PDGFRB: variants seen among roughly 807,000 people sequenced by gnomAD.
PDGFRB encodes platelet derived growth factor receptor beta.
PDGFRB carries 42 observed loss-of-function variants against 120.2 expected under a neutral mutation model. The ratio of observed to expected loss-of-function variants is 0.35; its 90% confidence interval spans 0.27 to 0.45. The LOEUF is 0.45. Among genes scored for constraint, PDGFRB ranks in the 20% least tolerant of loss-of-function variants. The pLI is 1.00. For missense variants in PDGFRB, 1,149 were observed against 1,476.3 expected, an observed-to-expected ratio of 0.78 and a Z score of 3.63; for synonymous variants, 586 against 606.8, an observed-to-expected ratio of 0.97 and a Z score of 0.50.
At chr5:150,135,503 C>A in intron 3 of PDGFRB, 52 bp downstream of exon 3, 1 of 1,143,630 alleles carries the variant, frequency 8.7e-7, no homozygotes, top group South Asian at 1.4e-5. Context: ...CCCCTGATGC[C>A]TCCAGTTGAC....
intron 1 of PDGFRB, among the ~76,000 whole-genome samples, chr5:150,140,401 G>T (rs1409958866): frequency 2.0e-5 from 3 of 152,190 alleles, no homozygotes; most frequent in Non-Finnish European, 4.4e-5. Context: ...TCCTGCCCAG[G>T]GAGGCCTCTA....
chr5:150,128,916 T>C lies in PDGFRB; in HGVS notation c.1579+841A>G, dbSNP rs9885501. Among the ~76,000 whole-genome samples, 804 of 152,232 alleles carry C rather than the reference T, an allele frequency of 5.3e-3. 7 individuals carry two copies. The highest frequency in any genetic ancestry group is 0.014 in the African/African-American group (602 of 41,520). ...AAGTTGGGTCCTCATATTTATCGAATGAAGAAGAAAGGTGAATAAATGAAG... is the reference window on the plus strand; with the variant it reads ...AAGTTGGGTCCTCATATTTATCGAACGAAGAAGAAAGGTGAATAAATGAAG... On this transcript the variant is annotated intron_variant, in intron 10 of 22. Transcript: ENST00000261799.
At chr5:150,124,905 C>A (rs1760252807) in intron 12 of PDGFRB, 74 bp from the exon 13 acceptor site, 2 of 684,410 alleles carry the variant, frequency 2.9e-6, no homozygotes, top group South Asian at 1.8e-5. Flanking sequence ...CCCCCTCCCC[C>A]CACTCCCCTA....
intron 1 of PDGFRB, among the ~76,000 whole-genome samples, chr5:150,144,792 C>T (rs1003736365): frequency 2.6e-5 from 4 of 152,170 alleles, no homozygotes; most frequent in East Asian, 1.9e-4. Flanking sequence ...GCTGCACACC[C>T]CTGCCCACCG....
chr5:150,135,840 G>C lies in PDGFRB; in HGVS notation c.79C>G (p.Pro27Ala). Residue 27 changes from proline to alanine, a missense_variant, in exon 3 of 23, where the codon CCA becomes GCA. By Grantham distance (27) the Pro-to-Ala change is conservative (BLOSUM62 -1). Transcript: ENST00000261799. ...ACGACCAGGCCCTGAGAGATCTGTG[G>C]TTCCAGAAGTAACAGGAGAGACAGC... ...LLLSLLLLLE[P>A]QISQGLVVTP... The C allele has an allele frequency of 7.8e-6, 12 of 1,542,424 alleles. No homozygotes were observed. Among genetic ancestry groups the C allele is most frequent in the Non-Finnish European group, 1.0e-5 (12 of 1,145,990 alleles).
chr5:150,117,509 C>T (rs1051228846), intron 22 of PDGFRB, 109 bp downstream of exon 22: 6 of 661,880 alleles, frequency 9.1e-6, no homozygotes, highest in East Asian at 5.2e-5. Context: ...CGTAACTTAC[C>T]TCTGAGGCAA....
At chr5:150,140,503 C>T (rs1245193038) in intron 1 of PDGFRB, among the ~76,000 whole-genome samples, 1 of 152,230 alleles carries the variant, frequency 6.6e-6, no homozygotes, top group Admixed American at 6.5e-5. Context: ...TCCTCCTATT[C>T]TGGCCAGGTT....
intron 1 of PDGFRB, among the ~76,000 whole-genome samples, chr5:150,139,231 C>A (rs1005435322): frequency 6.6e-6 from 1 of 152,180 alleles, no homozygotes; most frequent in Non-Finnish European, 1.5e-5. Context: ...GGGGAGAGGA[C>A]AGGCAGGCAG....
Position 150,115,734 on chromosome 5 carries a change from T to G in PDGFRB, c.*29A>C, listed in dbSNP as rs1171797043. On this transcript the variant is annotated 3_prime_UTR_variant, in exon 23 of 23. Transcript: ENST00000261799. ...GCTGGGTGCTGGCAGGGGGGGAGCT[T>G]CAGGCAGGGCAGGGTAGGGGCCAGC... 2.0e-6 allele frequency: 3 copies of G among 1,534,472 alleles called. No homozygotes were observed. Among genetic ancestry groups the G allele is most frequent in the East Asian group, 2.3e-5 (1 of 43,258 alleles).
In PDGFRB at chr5:150,155,800, A is replaced by G. The variant is rs981308774; in HGVS notation, c.-410T>C. On this transcript the variant is annotated 5_prime_UTR_variant, in exon 1 of 23. Coordinates refer to ENST00000261799, the MANE Select transcript of PDGFRB (RefSeq NM_002609.4). The stretch of plus-strand genomic sequence containing the variant: ...CTCTCTGGCTCCAAGTTGCTCACAG[A>G]GCGATCCTGGGTCCCAGATAGGGCG... The G allele has an allele frequency of 3.8e-5, 15 of 397,676 alleles. No individual in the cohort carries two copies. Among genetic ancestry groups the G allele is most frequent in the Non-Finnish European group, 6.6e-5 (15 of 225,922 alleles). 24.6% of individuals were successfully genotyped at this position (397,676 alleles called of 1,614,324 possible). A position where few individuals can be genotyped will look rare whatever the true frequency, so the allele number is the denominator to read the frequency against.
intron 5 of PDGFRB, 45 bp from the exon 6 acceptor site, chr5:150,133,805 G>A: frequency 6.2e-7 from 1 of 1,612,008 alleles, no homozygotes; most frequent in Non-Finnish European, 8.5e-7. Flanking sequence ...GGAGGGGCCG[G>A]GGAGAAATCA....
At chr5:150,127,713 C>A (rs557364151) in intron 10 of PDGFRB, among the ~76,000 whole-genome samples, 1 of 151,592 alleles carries the variant, frequency 6.6e-6, no homozygotes, top group Non-Finnish European at 1.5e-5. Context: ...GGACTGCTGT[C>A]ATCCCAGCTA....
At chr5:150,122,141 A>T in intron 15 of PDGFRB, 101 bp from the exon 16 acceptor site, 1 of 845,340 alleles carries the variant, frequency 1.2e-6, no homozygotes, top group South Asian at 1.6e-5. Context: ...TCACACACTC[A>T]CTCATCTTCC....
At chr5:150,130,449 G>A in intron 9 of PDGFRB, 90 bp downstream of exon 9, 2 of 1,293,744 alleles carry the variant, frequency 1.5e-6, no homozygotes, top group Non-Finnish European at 2.2e-6. Context: ...GGAACAATAT[G>A]CCAAGAAGAA....
At chr5:150,124,064 T>G in intron 14 of PDGFRB, 186 bp downstream of exon 14, 2 of 423,576 alleles carry the variant, frequency 4.7e-6, no homozygotes, top group Non-Finnish European at 8.5e-6. Flanking sequence ...CTTGAAGGTG[T>G]TGTGATTTTG....
chr5:150,130,740 G>T, intron 8 of PDGFRB, 78 bp from the exon 9 acceptor site: 10 of 1,257,638 alleles, frequency 8.0e-6, no homozygotes, highest in South Asian at 6.5e-5. Flanking sequence ...GGAGGACCTG[G>T]CCCAGAGACT....
intron 1 of PDGFRB, among the ~76,000 whole-genome samples, chr5:150,150,125 T>C (rs1020830488): frequency 1.1e-4 from 16 of 152,314 alleles, no homozygotes; most frequent in Admixed American, 6.5e-4. Flanking sequence ...TTTCAGCCCA[T>C]AGCCCAGACA....
At chr5:150,124,880 C>A (rs748398704) in intron 12 of PDGFRB, 49 bp from the exon 13 acceptor site, 3 of 909,242 alleles carry the variant, frequency 3.3e-6, no homozygotes, top group Non-Finnish European at 5.0e-6. Flanking sequence ...GAAGCTGCAC[C>A]GCTCCCCCAG....
intron 1 of PDGFRB, among the ~76,000 whole-genome samples, chr5:150,146,525 G>A (rs569868763): frequency 4.6e-5 from 7 of 152,238 alleles, no homozygotes; most frequent in East Asian, 1.9e-4. Context: ...AACTCAGGCC[G>A]GCCTGACTCC....
Sources: gnomAD v4.1 joint callset for allele counts (sites outside exome capture counted in the v4.1 genomes callset) on GRCh38, gnomAD v4.1.1 for gene constraint, MANE v1.5 for transcripts, NCBI Gene and HGNC (gene_info 2026-07-23, HGNC 2026-07-21) for gene names.